Variants in ERI1 observed in about 807,000 individuals in gnomAD.
ERI1 encodes 3'-5' exoribonuclease 1.
In ERI1, 39 loss-of-function variants were observed where a neutral mutation model predicts 39.7. That is an observed-to-expected ratio of 0.98 (90% CI 0.76 to 1.28). The LOEUF is 1.28. Among genes scored for constraint, ERI1 ranks in the 50% most tolerant of loss-of-function variants. ERI1 has a pLI of 0.00. For synonymous variants in ERI1, 204 were observed against 149.6 expected (o/e 1.36, Z -2.65); for missense variants, 581 against 416.9 (o/e 1.39, Z -3.43).
At chr8:9,078,330 C>CTTT (rs112344131) in intron 3 of ERI1, among the ~76,000 whole-genome samples, 1 of 146,352 alleles carries the variant, frequency 6.8e-6, no homozygotes, top group African/African-American at 2.5e-5. Flanking sequence ...CTGTATAGCA[C>CTTT]TTTTTTTTTT....
At chr8:9,085,703 A>G (rs1585296621) in intron 3 of ERI1, among the ~76,000 whole-genome samples, 1 of 151,908 alleles carries the variant, frequency 6.6e-6, no homozygotes, top group East Asian at 1.9e-4. Context: ...ATTTAGATTC[A>G]CTCTAAGTGA....
At chr8:9,083,201 A>G (rs866333853) in intron 3 of ERI1, among the ~76,000 whole-genome samples, 5 of 152,308 alleles carry the variant, frequency 3.3e-5, no homozygotes, top group South Asian at 2.1e-4. Flanking sequence ...AGCAAAGTCA[A>G]TGACTGTGGC....
intron 3 of ERI1, among the ~76,000 whole-genome samples, chr8:9,075,335 G>T (rs572716932): frequency 6.6e-6 from 1 of 152,330 alleles, no homozygotes; most frequent in South Asian, 2.1e-4. Flanking sequence ...ATGAGGAAAT[G>T]AGGGAGACAT....
intron 6 of ERI1, among the ~76,000 whole-genome samples, chr8:9,022,740 A>G (rs1474844166): frequency 6.6e-6 from 1 of 152,014 alleles, no homozygotes; most frequent in African/African-American, 2.4e-5. Context: ...TCATTTTGTG[A>G]ATTTTTTTAA....
In ERI1 at chr8:9,021,772, TTG is replaced by T. The variant is rs1554518309; in HGVS notation, c.807+1310_807+1311del. On this transcript the variant is annotated intron_variant, in intron 6 of 6. Coordinates refer to ENST00000250263, the MANE Select transcript of ERI1 (RefSeq NM_153332.4). ...ATACTGGCTATATTATTTGTTTTTT[TTG>T]TTTTTTTTTTTTTTTCAATATTATG... Among the ~76,000 whole-genome samples the T allele has an allele frequency of 2.5e-4, 36 of 141,854 alleles. 1 individual carries two copies. The highest frequency in any genetic ancestry group is 7.2e-4 in the African/African-American group (25 of 34,822). 93.1% of individuals were successfully genotyped at this position (141,854 alleles called of 152,430 possible). A position where few individuals can be genotyped will look rare whatever the true frequency, so the allele number is the denominator to read the frequency against.
downstream of ERI1, among the ~76,000 whole-genome samples, chr8:9,034,305 G>C (rs530052449): frequency 6.6e-6 from 1 of 152,232 alleles, no homozygotes; most frequent in Non-Finnish European, 1.5e-5. Flanking sequence ...CACAAGGCAT[G>C]CTTCATTTTA....
At chr8:9,081,508 A>G (rs545509738) in intron 3 of ERI1, among the ~76,000 whole-genome samples, 7 of 152,242 alleles carry the variant, frequency 4.6e-5, no homozygotes, top group African/African-American at 1.7e-4. Flanking sequence ...TTGCCAGCTC[A>G]GCCATTTTCT....
At chr8:9,029,305 CTT>C (rs1380706827) in intron 6 of ERI1, among the ~76,000 whole-genome samples, 2 of 152,178 alleles carry the variant, frequency 1.3e-5, no homozygotes, top group East Asian at 3.9e-4. Context: ...AGCTGAAACT[CTT>C]AAGATCATAT....
intron 3 of ERI1, among the ~76,000 whole-genome samples, chr8:9,096,297 G>A (rs1799875417): frequency 6.6e-6 from 1 of 152,138 alleles, no homozygotes; most frequent in Non-Finnish European, 1.5e-5. Context: ...AAGAGGTGCT[G>A]GATTACAAAT....
At position 9,031,718 on chromosome 8, in the gene ERI1, T is replaced by G. The variant is rs1797603553; in HGVS notation, c.*1684T>G. On this transcript the variant is annotated 3_prime_UTR_variant, in exon 7 of 7. Coordinates refer to ENST00000250263, the MANE Select transcript of ERI1 (RefSeq NM_153332.4). The stretch of plus-strand genomic sequence containing the variant: ...ACCAACAAGCTCATGTTGTATTTCT[T>G]TTTAAGAACTTCAACATTATAAGCT... The G allele has an allele frequency of 6.6e-6, 1 of 152,200 alleles. No homozygotes were observed. Among genetic ancestry groups the G allele is most frequent in the East Asian group, 1.9e-4 (1 of 5,200 alleles). 9.4% of individuals were successfully genotyped at this position (152,200 alleles called of 1,614,324 possible). A position where few individuals can be genotyped will look rare whatever the true frequency, so the allele number is the denominator to read the frequency against.
intron 1 of ERI1, among the ~76,000 whole-genome samples, chr8:9,004,955 T>C (rs1275424513): frequency 6.6e-6 from 1 of 152,146 alleles, no homozygotes; most frequent in Admixed American, 6.5e-5. Context: ...CCCAAAGTGC[T>C]GGGATTACAG....
At chr8:9,054,792 G>A (rs1798456075) in intron 3 of ERI1, among the ~76,000 whole-genome samples, 1 of 152,218 alleles carries the variant, frequency 6.6e-6, no homozygotes, top group South Asian at 2.1e-4. Context: ...AGGCGCAGTG[G>A]CGGCAGGCAC....
At chr8:9,017,381 A>G (rs1476889088) in intron 4 of ERI1, among the ~76,000 whole-genome samples, 4 of 152,022 alleles carry the variant, frequency 2.6e-5, no homozygotes, top group African/African-American at 4.8e-5. Context: ...TTGTATTCTA[A>G]TGTGGTAGGC....
chr8:9,057,345 G>C (rs1188627972), intron 3 of ERI1, among the ~76,000 whole-genome samples: 1 of 152,070 alleles, frequency 6.6e-6, no homozygotes, highest in South Asian at 2.1e-4. Context: ...TTTTTCAGGT[G>C]CTTTGCCCAA....
chr8:9,012,447 C>T (rs776431787), intron 3 of ERI1, among the ~76,000 whole-genome samples: 3 of 152,212 alleles, frequency 2.0e-5, no homozygotes, highest in Non-Finnish European at 4.4e-5. Context: ...GTGATATCCT[C>T]AGTTGCTACC....
intron 1 of ERI1, among the ~76,000 whole-genome samples, chr8:9,004,667 A>G (rs1334059754): frequency 6.6e-6 from 1 of 151,016 alleles, no homozygotes; most frequent in African/African-American, 2.4e-5. Context: ...CTGTCTCAAA[A>G]AATAATAGTA....
At chr8:9,095,873 G>A (rs973437396) in intron 3 of ERI1, among the ~76,000 whole-genome samples, 7 of 152,098 alleles carry the variant, frequency 4.6e-5, no homozygotes, top group African/African-American at 1.2e-4. Context: ...GGGGTGGGTC[G>A]GGGGGCAAGG....
intron 3 of ERI1, among the ~76,000 whole-genome samples, chr8:9,077,690 A>G (rs1799250358): frequency 6.6e-6 from 1 of 152,214 alleles, no homozygotes. Flanking sequence ...TCTGAGCAAG[A>G]GGTCAGACCT....
chr8:9,040,419 C>T (rs1035397486), intron 3 of ERI1, among the ~76,000 whole-genome samples: 14 of 152,284 alleles, frequency 9.2e-5, no homozygotes, highest in African/African-American at 2.9e-4. Context: ...TGTTCGCTAA[C>T]GCCTTGGGGC....
Sources: allele counts gnomAD v4.1 joint callset (sites outside exome capture counted in the v4.1 genomes callset), GRCh38; gene constraint gnomAD v4.1.1; transcripts MANE v1.5; gene names NCBI Gene and HGNC (gene_info 2026-07-23, HGNC 2026-07-21).